FMN1: variants seen among roughly 807,000 people sequenced by gnomAD.
FMN1 encodes formin-1.
A neutral mutation model predicts 132.4 loss-of-function variants in FMN1; 110 were observed. That is an observed-to-expected ratio of 0.83 (90% CI 0.71 to 0.97). FMN1 has a LOEUF of 0.97. FMN1 is among the 50% of genes least tolerant of loss of function. The pLI, the probability that FMN1 is intolerant of heterozygous loss-of-function variation, is 0.00. For synonymous variants in FMN1, 722 were observed against 651.7 expected, an observed-to-expected ratio of 1.11 and a Z score of -1.64; for missense variants, 1,792 against 1,705.3, an observed-to-expected ratio of 1.05 and a Z score of -0.90.
In FMN1 at chr15:32,773,334, TCTC is replaced by T. The variant is rs1301745597; in HGVS notation, c.*973_*975del. The T allele has an allele frequency of 6.6e-6, 1 of 152,174 alleles. No homozygotes were observed. Among genetic ancestry groups the T allele is most frequent in the Non-Finnish European group, 1.5e-5 (1 of 68,068 alleles). The allele number at this position is 152,174 out of a possible 1,614,324, so 9.4% of individuals were successfully genotyped here. A position where few individuals can be genotyped will look rare whatever the true frequency, so the allele number is the denominator to read the frequency against. On this transcript the variant is annotated 3_prime_UTR_variant, in exon 21 of 21. Coordinates refer to ENST00000616417, the MANE Select transcript of FMN1 (RefSeq NM_001277313.2). ...AGCAGGTGCTGTGAGTTGCATTTGC[TCTC>T]CTGTCTGGAAACTGCCTCCTGGGGA...
chr15:32,875,771 AACTT>A (rs1489890246), intron 16 of FMN1, among the ~76,000 whole-genome samples: 1 of 152,206 alleles, frequency 6.6e-6, no homozygotes, highest in Non-Finnish European at 1.5e-5. Context: ...AAAGATATAC[AACTT>A]ACTTAGGCAG....
intron 5 of FMN1, among the ~76,000 whole-genome samples, chr15:33,070,936 A>G (rs1039981106): frequency 9.2e-5 from 14 of 152,322 alleles, no homozygotes; most frequent in African/African-American, 3.4e-4. Context: ...CCACAGAAAC[A>G]GTGGATGGTG....
At chr15:33,183,117 T>C (rs1010223854) in intron 2 of FMN1, among the ~76,000 whole-genome samples, 2 of 152,206 alleles carry the variant, frequency 1.3e-5, no homozygotes, top group Admixed American at 1.3e-4. Flanking sequence ...CTTTCCTCTA[T>C]TACTTCCACC....
intron 7 of FMN1, among the ~76,000 whole-genome samples, chr15:32,976,486 T>C (rs186496887): frequency 6.6e-6 from 1 of 152,306 alleles, no homozygotes; most frequent in East Asian, 1.9e-4. Context: ...CTAGCCACTG[T>C]AAAAACAAAA....
chr15:32,862,161 A>C (rs2059284231), intron 16 of FMN1, among the ~76,000 whole-genome samples: 1 of 152,060 alleles, frequency 6.6e-6, no homozygotes, highest in East Asian at 1.9e-4. Flanking sequence ...TAATGATGAC[A>C]CCGGAGACTG....
intron 5 of FMN1, among the ~76,000 whole-genome samples, chr15:33,086,417 G>T (rs538785489): frequency 3.3e-5 from 5 of 150,554 alleles, no homozygotes; most frequent in Admixed American, 1.3e-4. Context: ...AGATTATGAG[G>T]TTTTTTTTTC....
chr15:32,781,077 A>C (rs1418160266), intron 19 of FMN1, among the ~76,000 whole-genome samples: 1 of 152,210 alleles, frequency 6.6e-6, no homozygotes, highest in Non-Finnish European at 1.5e-5. Context: ...TTAAACTTAA[A>C]ATCTTAAAGA....
At position 32,785,218 on chromosome 15, in the gene FMN1, A is replaced by ATTTTTTTTTTTT. The variant is rs1230723314; in HGVS notation, c.4131-8311_4131-8300dup. On this transcript the variant is annotated intron_variant, in intron 19 of 20. Transcript: ENST00000616417. ...TGTGTGTGTATATATATATATATAT[A>ATTTTTTTTTTTT]TTTTTTTTTTTTTTTTTTTGTAGAG... Among the ~76,000 whole-genome samples the ATTTTTTTTTTTT allele has an allele frequency of 6.0e-3, 234 of 39,188 alleles. 37 individuals are homozygous for ATTTTTTTTTTTT. Among genetic ancestry groups the ATTTTTTTTTTTT allele is most frequent in the African/African-American group, 0.013 (106 of 8,372 alleles). 25.7% of individuals were successfully genotyped at this position (39,188 alleles called of 152,430 possible).
Position 33,109,620 on chromosome 15 carries a change from A to G in FMN1, c.1868-20646T>C, listed in dbSNP as rs149308692. On this transcript the variant is annotated intron_variant, in intron 4 of 20. Coordinates refer to ENST00000616417, the MANE Select transcript of FMN1 (RefSeq NM_001277313.2). ...AATCAAATACTGCGTGTTCTCACTT[A>G]TAAGCAAGAGCTACATGGTAAGAAC... Among the ~76,000 whole-genome samples the G allele has an allele frequency of 2.2e-3, 330 of 152,228 alleles. 6 individuals are homozygous for G. Among genetic ancestry groups the G allele is most frequent in the East Asian group, 0.017 (87 of 5,190 alleles).
At position 32,910,470 on chromosome 15, in the gene FMN1, T is replaced by A; in HGVS notation, c.3288+4A>T. On this transcript the variant is annotated splice_donor_region_variant and intron_variant, in intron 11 of 20. Transcript: ENST00000616417. ...TACTAGCTCTGTAAGTCTTTGACAC[T>A]CACGTTTTCATATAAGGCTGCCAGG... 6.4e-7 allele frequency: 1 copy of A among 1,571,486 alleles called. No homozygotes were observed. The highest frequency in any genetic ancestry group is 8.6e-7 in the Non-Finnish European group (1 of 1,156,850).
chr15:33,093,191 G>A (rs2038962657), intron 4 of FMN1, among the ~76,000 whole-genome samples: 1 of 152,180 alleles, frequency 6.6e-6, no homozygotes, highest in Non-Finnish European at 1.5e-5. Flanking sequence ...CATCCAGAAA[G>A]AGGAGAGAAA....
chr15:32,920,560 C>T (rs1439688931), intron 10 of FMN1, among the ~76,000 whole-genome samples: 1 of 152,092 alleles, frequency 6.6e-6, no homozygotes, highest in African/African-American at 2.4e-5. Context: ...TAGCCCTATC[C>T]GCTTACCACT....
chr15:33,174,550 T>A (rs1296498875), intron 3 of FMN1, among the ~76,000 whole-genome samples: 1 of 152,210 alleles, frequency 6.6e-6, no homozygotes, highest in Non-Finnish European at 1.5e-5. Flanking sequence ...AATCATAAAT[T>A]TTTCGTTTCA....
At chr15:33,018,137 C>A (rs2035177423) in intron 6 of FMN1, among the ~76,000 whole-genome samples, 5 of 151,888 alleles carry the variant, frequency 3.3e-5, no homozygotes, top group African/African-American at 9.7e-5. Flanking sequence ...GAGATGGAGC[C>A]TTTGGGAGGT....
chr15:32,981,543 A>ATT (rs1555372550), intron 7 of FMN1, among the ~76,000 whole-genome samples: 21,850 of 137,902 alleles, frequency 0.16, 1,832 homozygotes, highest in Non-Finnish European at 0.18. Context: ...TAATAATAAT[A>ATT]ATTATTATTA....
intron 6 of FMN1, among the ~76,000 whole-genome samples, chr15:33,028,086 G>C (rs1420134190): frequency 1.3e-5 from 2 of 152,170 alleles, no homozygotes; most frequent in African/African-American, 4.8e-5. Context: ...TTTAAACATT[G>C]ACTACATATT....
Position 33,088,363 on chromosome 15 carries a change from C to T in FMN1, c.2043+436G>A, listed in dbSNP as rs572536315. On this transcript the variant is annotated intron_variant, in intron 5 of 20. Transcript: ENST00000616417. ...ACCTAGTCACCTGTTATTTGAGCAG[C>T]TGGAGAGAAAGGTTCATGAATATGG... 2.5e-4 allele frequency among the ~76,000 whole-genome samples: 38 copies of T among 152,312 alleles called. 1 individual carries two copies. The Middle Eastern group carries it at 0.01, about 41-fold the overall frequency.
chr15:33,153,005 A>G (rs1243188661), intron 4 of FMN1, 43 bp downstream of exon 4: 4 of 1,446,728 alleles, frequency 2.8e-6, no homozygotes, highest in African/African-American at 1.4e-5. Flanking sequence ...TAGTTCCCCA[A>G]TCAGCCAAGA....
rs555122103 is a variant in FMN1, at chr15:33,091,908, T to A, written c.1868-2934A>T. On this transcript the variant is annotated intron_variant, in intron 4 of 20. Transcript: ENST00000616417. ...AATAGATTTGGGGGTGTTAGATCTTTAGAGAATATTTTGTGAAAAACTGAA... is the reference window on the plus strand; with the variant it reads ...AATAGATTTGGGGGTGTTAGATCTTAAGAGAATATTTTGTGAAAAACTGAA... Among the ~76,000 whole-genome samples, 29 of 152,356 alleles carry A rather than the reference T, an allele frequency of 1.9e-4. No individual in the cohort carries two copies. The South Asian group carries it at 6.0e-3, about 32-fold the overall frequency.
Sources: allele counts gnomAD v4.1 joint callset (sites outside exome capture counted in the v4.1 genomes callset), GRCh38; gene constraint gnomAD v4.1.1; transcripts MANE v1.5; gene names NCBI Gene and HGNC (gene_info 2026-07-23, HGNC 2026-07-21).